The following CREB3L1 variants were observed in gnomAD, a reference collection of about 807,000 sequenced individuals.
The protein encoded by CREB3L1 is cAMP responsive element binding protein 3 like 1.
CREB3L1 carries 33 observed loss-of-function variants against 54.5 expected under a neutral mutation model. That is an observed-to-expected ratio of 0.61 (90% CI 0.46 to 0.81). The LOEUF (loss-of-function observed/expected upper bound fraction) is 0.81, where lower values mean the gene tolerates loss of function less well. Among genes scored for constraint, CREB3L1 ranks in the 30% least tolerant of loss-of-function variants. The pLI is 0.00. For synonymous variants in CREB3L1, 284 were observed against 286.4 expected, an observed-to-expected ratio of 0.99 and a Z score of 0.08; for missense variants, 656 against 673.3, an observed-to-expected ratio of 0.97 and a Z score of 0.29.
In CREB3L1 at chr11:46,316,359, G is replaced by A. The variant is rs201046043; in HGVS notation, c.1105G>A (p.Ala369Thr). 3.2e-4 allele frequency: 503 copies of A among 1,570,936 alleles called. No individual in the cohort carries two copies. Among genetic ancestry groups the A allele is most frequent in the Non-Finnish European group, 4.1e-4 (479 of 1,158,142 alleles). Residue 369 changes from alanine (A) to threonine (T), a missense_variant, in exon 9 of 12, where the codon GCC becomes ACC. By Grantham distance (58) the Ala-to-Thr change is moderately conservative. Transcript: ENST00000621158. ...NKISRPYKMA[A>T]TQTGTCLMVA... ...GATCTCCAGACCTTACAAGATGGCC[G>A]CCACCCAGACTGGGACCTGCCTCAT...
intron 2 of CREB3L1, among the ~76,000 whole-genome samples, chr11:46,301,675 T>C (rs1408803847): frequency 7.6e-6 from 1 of 130,952 alleles, no homozygotes; most frequent in South Asian, 2.4e-4. Context: ...AAAAAAAAAA[T>C]AGACGGGGTG....
At chr11:46,301,094 C>T (rs1476712849) in intron 2 of CREB3L1, among the ~76,000 whole-genome samples, 2 of 149,498 alleles carry the variant, frequency 1.3e-5, no homozygotes, top group Admixed American at 1.3e-4. Context: ...GCAGGAGAAT[C>T]GCTTGAACCC....
intron 1 of CREB3L1, among the ~76,000 whole-genome samples, chr11:46,297,103 C>T (rs1051426090): frequency 6.6e-6 from 1 of 152,228 alleles, no homozygotes; most frequent in Non-Finnish European, 1.5e-5. Context: ...CAGCCCCCTC[C>T]CACTGGGCCC....
chr11:46,292,499 G>A (rs1312592332), intron 1 of CREB3L1, among the ~76,000 whole-genome samples: 1 of 152,206 alleles, frequency 6.6e-6, no homozygotes, highest in Non-Finnish European at 1.5e-5. Context: ...AATACGGCTG[G>A]ATCATTTGAA....
chr11:46,310,624 C>T (rs1336076472), intron 4 of CREB3L1, among the ~76,000 whole-genome samples: 1 of 151,882 alleles, frequency 6.6e-6, no homozygotes. Flanking sequence ...GCTTGCCCAG[C>T]CTGACCCTAT....
intron 2 of CREB3L1, among the ~76,000 whole-genome samples, chr11:46,301,814 G>C (rs1391878276): frequency 1.3e-5 from 2 of 152,020 alleles, no homozygotes; most frequent in African/African-American, 4.8e-5. Flanking sequence ...AGCCAGGCGT[G>C]GTGGTGGGCA....
At chr11:46,310,830 C>T in intron 4 of CREB3L1, 1 of 627,492 alleles carries the variant, frequency 1.6e-6, no homozygotes, top group East Asian at 3.3e-5. Context: ...GATGAGGCAG[C>T]ACCCAGGAAT....
In CREB3L1 at chr11:46,311,750, C is replaced by T. The variant is rs184630008; in HGVS notation, c.753+561C>T. Among the ~76,000 whole-genome samples the T allele has an allele frequency of 3.9e-3, 590 of 152,334 alleles. 2 individuals carry two copies. The highest frequency in any genetic ancestry group is 6.8e-3 in the Middle Eastern group (2 of 294). On this transcript the variant is annotated intron_variant, in intron 5 of 11. Transcript: ENST00000621158. ...TGACCTCTTGATCTGCCCACTTCAG[C>T]CTCCCAAAGGGCTGGGATTACAGGC...
intron 1 of CREB3L1, among the ~76,000 whole-genome samples, chr11:46,298,399 C>A (rs1213871042): frequency 2.6e-5 from 4 of 152,166 alleles, no homozygotes; most frequent in Non-Finnish European, 5.9e-5. Flanking sequence ...AAGGAACAAA[C>A]AATAGAAACA....
chr11:46,283,839 C>T (rs1263468709), intron 1 of CREB3L1, among the ~76,000 whole-genome samples: 19 of 152,052 alleles, frequency 1.2e-4, no homozygotes, highest in Admixed American at 1.2e-3. Flanking sequence ...GCTATTATCA[C>T]GCCACTGCAC....
At position 46,300,122 on chromosome 11, in the gene CREB3L1, A is replaced by G. The variant is rs1939274243; in HGVS notation, c.290A>G (p.Gln97Arg). 6.2e-7 allele frequency: 1 copy of G among 1,613,574 alleles called. No individual in the cohort carries two copies. Among genetic ancestry groups the G allele is most frequent in the African/African-American group, 1.3e-5 (1 of 74,914 alleles). ...SYSLSGDSAP[Q>R]SPLVPIKMED... ...TCCCTGAGCGGCGACTCAGCGCCCC[A>G]GAGCCCCCTTGTGCCCATCAAGATG... The change falls in exon 2 of 12, where the codon CAG (glutamine) becomes CGG (arginine). Residue 97 changes from glutamine (Q) to arginine (R), a missense_variant. By Grantham distance (43) the Gln-to-Arg change is conservative. Transcript: ENST00000621158.
intron 5 of CREB3L1, among the ~76,000 whole-genome samples, chr11:46,311,813 C>T (rs369934876): frequency 1.3e-5 from 2 of 152,194 alleles, no homozygotes; most frequent in Non-Finnish European, 2.9e-5. Flanking sequence ...CAAATCCTTT[C>T]GCCCTGCCTC....
At chr11:46,282,589 G>A (rs1938995838) in intron 1 of CREB3L1, among the ~76,000 whole-genome samples, 1 of 152,152 alleles carries the variant, frequency 6.6e-6, no homozygotes, top group African/African-American at 2.4e-5. Context: ...CCCCCAGTCT[G>A]TCCATCTCAG....
At chr11:46,318,018 G>A (rs775670351) in intron 10 of CREB3L1, among the ~76,000 whole-genome samples, 7 of 152,156 alleles carry the variant, frequency 4.6e-5, no homozygotes, top group Non-Finnish European at 8.8e-5. Flanking sequence ...GGAGTTCGAC[G>A]CCAGCCTGGC....
At chr11:46,294,437 C>T (rs967670776) in intron 1 of CREB3L1, among the ~76,000 whole-genome samples, 1 of 152,174 alleles carries the variant, frequency 6.6e-6, no homozygotes, top group African/African-American at 2.4e-5. Context: ...TTCTAGGCCC[C>T]TGTCAACCGC....
Position 46,307,872 on chromosome 11 carries a change from C to A in CREB3L1, c.388C>A (p.Gln130Lys). Residue 130 changes from glutamine (Q) to lysine (K), a missense_variant, in exon 3 of 12, where the codon CAG becomes AAG. Gln to Lys is a moderately conservative substitution (Grantham distance 53). Around this residue, in one of 3 missense-constraint regions of CREB3L1, gnomAD observed 339 missense variants for 331.5 expected, o/e 1.02. Transcript: ENST00000621158. The part of the protein sequence containing the change: ...GHKLCSIMVK[Q>K]EQSPELPVDP... ...CAAACTGTGCTCCATCATGGTGAAGCAGGAGCAGAGCCCGGAGCTGCCCGT... is the reference window on the plus strand; with the variant it reads ...CAAACTGTGCTCCATCATGGTGAAGAAGGAGCAGAGCCCGGAGCTGCCCGT... The A allele has an allele frequency of 6.3e-7, 1 of 1,582,498 alleles. No individual in the cohort carries two copies. The highest frequency in any genetic ancestry group is 8.6e-7 in the Non-Finnish European group (1 of 1,164,528).
At position 46,321,070 on chromosome 11, in the gene CREB3L1, G is replaced by A. The variant is rs1305403428; in HGVS notation, c.*324G>A. 3 of 562,342 alleles carry A rather than the reference G, an allele frequency of 5.3e-6. No homozygotes were observed. Among genetic ancestry groups the A allele is most frequent in the African/African-American group, 1.9e-5 (1 of 53,308 alleles). 34.8% of individuals were successfully genotyped at this position (562,342 alleles called of 1,614,324 possible). On this transcript the variant is annotated 3_prime_UTR_variant, in exon 12 of 12. Coordinates refer to ENST00000621158, the MANE Select transcript of CREB3L1 (RefSeq NM_052854.4). ...CCTGCACCCAAACAGACACATCAACGCACCCCACTCACAGACACCCCTTAC... is the reference window on the plus strand; with the variant it reads ...CCTGCACCCAAACAGACACATCAACACACCCCACTCACAGACACCCCTTAC...
chr11:46,321,093 T>C lies in CREB3L1; in HGVS notation c.*347T>C. On this transcript the variant is annotated 3_prime_UTR_variant, in exon 12 of 12. Coordinates refer to ENST00000621158, the MANE Select transcript of CREB3L1 (RefSeq NM_052854.4). Reference sequence around the variant, plus strand: ...ACGCACCCCACTCACAGACACCCCTTACCCCACCCCCACTGTACAGAGACC... The same window carrying C: ...ACGCACCCCACTCACAGACACCCCTCACCCCACCCCCACTGTACAGAGACC... The C allele has an allele frequency of 3.8e-6, 2 of 531,102 alleles. No individual in the cohort carries two copies. Among genetic ancestry groups the C allele is most frequent in the Non-Finnish European group, 3.5e-6 (1 of 289,620 alleles). 32.9% of individuals were successfully genotyped at this position (531,102 alleles called of 1,614,324 possible).
At chr11:46,302,168 AAATAATAATAATAATAAT>A (rs61146206) in intron 2 of CREB3L1, among the ~76,000 whole-genome samples, 193 of 135,622 alleles carry the variant, frequency 1.4e-3, no homozygotes, top group East Asian at 4.4e-3. Flanking sequence ...GCTCCGTCTC[AAATAATAATAATAATAAT>A]AATAATAATA....
Sources: gnomAD v4.1 joint callset for allele counts (sites outside exome capture counted in the v4.1 genomes callset) on GRCh38, gnomAD v4.1.1 for gene constraint, gnomAD v4.1.1 regional missense constraint, MANE v1.5 for transcripts, NCBI Gene and HGNC (gene_info 2026-07-23, HGNC 2026-07-21) for gene names.